Variants in CHSY3 observed in about 807,000 individuals in gnomAD.
CHSY3 encodes N-acetylgalactosaminyl-proteoglycan 3-beta-glucuronosyltransferase 3.
Under a neutral mutation model 67.2 loss-of-function variants are expected in CHSY3, and 35 were observed. The ratio of observed to expected loss-of-function variants is 0.52; its 90% CI spans 0.40 to 0.69. CHSY3 has a LOEUF of 0.69. CHSY3 is among the 30% of genes least tolerant of loss of function. The pLI is 0.00. For synonymous variants in CHSY3, 474 were observed against 434.7 expected (o/e 1.09, Z -1.12); for missense variants, 1,069 against 1,138.5 (o/e 0.94, Z 0.88).
At chr5:130,134,188 T>C (rs1473219053) in intron 2 of CHSY3, among the ~76,000 whole-genome samples, 1 of 152,240 alleles carries the variant, frequency 6.6e-6, no homozygotes, top group East Asian at 1.9e-4. Flanking sequence ...TGTCTGATTC[T>C]GCATGCAGTC....
intron 2 of CHSY3, among the ~76,000 whole-genome samples, chr5:129,984,808 A>G (rs1469519853): frequency 6.6e-6 from 1 of 152,028 alleles, no homozygotes. Flanking sequence ...CTTGACTGTT[A>G]CGTATATGTC....
rs749363556 is a variant in CHSY3, at chr5:130,184,327, C to G, written c.1185C>G (p.Pro395=). ...SKIHAAITLH[P]NKRPAYQYRL... ...TCCATGCAGCCATAACACTTCATCC[C>G]AACAAAAGGCCTGCATACCAATACA... The change falls in exon 3 of 3, where the codon CCC becomes CCG. Residue 395 remains proline (P), a synonymous_variant. Transcript: ENST00000305031. The G allele has an allele frequency of 7.4e-6, 12 of 1,613,914 alleles. No individual in the cohort carries two copies. The highest frequency in any genetic ancestry group is 1.7e-5 in the Admixed American group (1 of 59,976).
chr5:130,041,540 A>G (rs1008822049), intron 2 of CHSY3, among the ~76,000 whole-genome samples: 1 of 152,160 alleles, frequency 6.6e-6, no homozygotes, highest in Non-Finnish European at 1.5e-5. Flanking sequence ...AGCACTAGTC[A>G]ACATATAAAC....
intron 2 of CHSY3, among the ~76,000 whole-genome samples, chr5:130,121,078 A>G (rs147124131): frequency 9.1e-4 from 139 of 152,296 alleles, no homozygotes; most frequent in African/African-American, 1.8e-3. Context: ...TTCCTGTGAT[A>G]GACTGTAAAT....
intron 2 of CHSY3, among the ~76,000 whole-genome samples, chr5:130,037,315 G>A (rs1764888639): frequency 6.6e-6 from 1 of 152,048 alleles, no homozygotes; most frequent in Non-Finnish European, 1.5e-5. Context: ...CAGGATGAGG[G>A]ACACCCTTCC....
In CHSY3 at chr5:130,145,289, TTC is replaced by T. The variant is rs201086065; in HGVS notation, c.1087-38939_1087-38938del. ...AACATAATAAAGAGGCCAAACATAG[TTC>T]ACACAGCTATGTCTAACTGATTTTT... On this transcript the variant is annotated intron_variant, in intron 2 of 2. Coordinates refer to ENST00000305031, the MANE Select transcript of CHSY3 (RefSeq NM_175856.5). 9.8e-3 allele frequency among the ~76,000 whole-genome samples: 1,485 copies of T among 152,214 alleles called. 29 individuals carry two copies. The highest frequency in any genetic ancestry group is 0.034 in the African/African-American group (1,412 of 41,520).
At chr5:129,968,959 A>G (rs1035424278) in intron 2 of CHSY3, among the ~76,000 whole-genome samples, 4 of 151,800 alleles carry the variant, frequency 2.6e-5, no homozygotes, top group African/African-American at 9.7e-5. Context: ...CCTTGGGGGA[A>G]TTCTTAATCA....
chr5:130,077,192 G>T (rs1766294426), intron 2 of CHSY3, among the ~76,000 whole-genome samples: 1 of 151,900 alleles, frequency 6.6e-6, no homozygotes, highest in South Asian at 2.1e-4. Flanking sequence ...AGGCATAAAT[G>T]GTGCCCACAT....
chr5:129,929,149 G>C (rs1761214727), intron 2 of CHSY3, among the ~76,000 whole-genome samples: 1 of 152,136 alleles, frequency 6.6e-6, no homozygotes, highest in African/African-American at 2.4e-5. Flanking sequence ...GGTGACAAAG[G>C]TCAGACAGTA....
At chr5:130,157,763 G>GC (rs1451469680) in intron 2 of CHSY3, among the ~76,000 whole-genome samples, 1 of 11,752 alleles carries the variant, frequency 8.5e-5, no homozygotes, top group East Asian at 4.7e-3. Context: ...AAATAACTGA[G>GC]CAGTGGCATG....
chr5:130,005,762 A>G (rs1271429187), intron 2 of CHSY3, among the ~76,000 whole-genome samples: 1 of 152,224 alleles, frequency 6.6e-6, no homozygotes, highest in Non-Finnish European at 1.5e-5. Flanking sequence ...CTGATACTCT[A>G]AATTGCAAAT....
chr5:130,176,430 G>A (rs530157059), intron 2 of CHSY3, among the ~76,000 whole-genome samples: 1 of 152,282 alleles, frequency 6.6e-6, no homozygotes, highest in East Asian at 1.9e-4. Context: ...CAACCATTGT[G>A]GAAGACAGTG....
intron 2 of CHSY3, among the ~76,000 whole-genome samples, chr5:129,979,357 T>G (rs1342786226): frequency 2.0e-5 from 3 of 152,152 alleles, no homozygotes; most frequent in Non-Finnish European, 4.4e-5. Flanking sequence ...GATTTGTGGC[T>G]TTTTATTTAC....
chr5:129,924,215 A>C (rs1231161976), intron 2 of CHSY3, among the ~76,000 whole-genome samples: 2 of 152,022 alleles, frequency 1.3e-5, no homozygotes, highest in Non-Finnish European at 2.9e-5. Flanking sequence ...CCAACCCCCT[A>C]CTAACCACTC....
chr5:129,982,422 A>G (rs1257592130), intron 2 of CHSY3, among the ~76,000 whole-genome samples: 1 of 152,132 alleles, frequency 6.6e-6, no homozygotes, highest in African/African-American at 2.4e-5. Context: ...TATTCCATGT[A>G]AATTTGAACA....
intron 2 of CHSY3, among the ~76,000 whole-genome samples, chr5:130,105,635 A>G (rs372779397): frequency 1.3e-5 from 2 of 151,736 alleles, no homozygotes; most frequent in South Asian, 2.1e-4. Flanking sequence ...TAGATATTGT[A>G]AAATTACATT....
intron 2 of CHSY3, among the ~76,000 whole-genome samples, chr5:130,175,934 A>T (rs1323693855): frequency 6.6e-6 from 1 of 152,206 alleles, no homozygotes; most frequent in Admixed American, 6.5e-5. Context: ...TTCAGGACAT[A>T]GGCACGGGCA....
intron 2 of CHSY3, among the ~76,000 whole-genome samples, chr5:130,035,930 T>C (rs1021001951): frequency 4.9e-5 from 7 of 142,950 alleles, no homozygotes; most frequent in Non-Finnish European, 1.5e-5. Context: ...CTTTAGAAAG[T>C]AGTTCATGAG....
chr5:130,062,774 T>A (rs969805176), intron 2 of CHSY3, among the ~76,000 whole-genome samples: 1 of 152,098 alleles, frequency 6.6e-6, no homozygotes, highest in Non-Finnish European at 1.5e-5. Context: ...TATGAAGTTT[T>A]TTTTTAGTAA....
Sources: gnomAD v4.1 joint callset for allele counts (sites outside exome capture counted in the v4.1 genomes callset) on GRCh38, gnomAD v4.1.1 for gene constraint, MANE v1.5 for transcripts, NCBI Gene and HGNC (gene_info 2026-07-23, HGNC 2026-07-21) for gene names.